Variants in B3GLCT observed in about 807,000 individuals in gnomAD.
The protein encoded by B3GLCT is beta 3-glucosyltransferase.
Under a neutral mutation model 63.4 loss-of-function variants are expected in B3GLCT, and 65 were observed. The observed-to-expected ratio is 1.03, with a 90% confidence interval of 0.84 to 1.26. The LOEUF (loss-of-function observed/expected upper bound fraction) is 1.26. B3GLCT is among the 50% of genes most tolerant of loss of function. The probability of loss-of-function intolerance (pLI) is 0.00; values close to 1 mark genes in which losing one functional copy is unlikely to be tolerated. For missense variants in B3GLCT, 577 were observed against 604.8 expected (o/e 0.95, Z 0.48); for synonymous variants, 233 against 219.2 (o/e 1.06, Z -0.55).
intron 1 of B3GLCT, among the ~76,000 whole-genome samples, chr13:31,214,301 T>A (rs1869443432): frequency 6.6e-6 from 1 of 152,248 alleles, no homozygotes; most frequent in African/African-American, 2.4e-5. Context: ...AAGGGTACTA[T>A]TTTTTGTTCT....
intron 1 of B3GLCT, among the ~76,000 whole-genome samples, chr13:31,205,060 A>C (rs1868875384): frequency 6.6e-6 from 1 of 152,058 alleles, no homozygotes; most frequent in Non-Finnish European, 1.5e-5. Flanking sequence ...TTGACTTTTA[A>C]TTTTAGGGGG....
chr13:31,224,444 C>T (rs915645275), intron 3 of B3GLCT, among the ~76,000 whole-genome samples: 2 of 152,062 alleles, frequency 1.3e-5, no homozygotes, highest in Admixed American at 6.5e-5. Context: ...TCGAGTGATA[C>T]CTAACTTGGT....
chr13:31,274,472 G>T, intron 8 of B3GLCT, 37 bp from the exon 9 acceptor site: 2 of 1,614,028 alleles, frequency 1.2e-6, no homozygotes, highest in Non-Finnish European at 1.7e-6. Flanking sequence ...TGTTGACTGA[G>T]TTCTTTCATC....
At chr13:31,216,127 A>T (rs991099253) in intron 2 of B3GLCT, among the ~76,000 whole-genome samples, 3 of 119,650 alleles carry the variant, frequency 2.5e-5, no homozygotes, top group Non-Finnish European at 5.8e-5. Flanking sequence ...GTGTAAAAGC[A>T]TTTTTTTAAT....
intron 9 of B3GLCT, among the ~76,000 whole-genome samples, chr13:31,275,410 T>C (rs1192140027): frequency 6.6e-6 from 1 of 152,198 alleles, no homozygotes; most frequent in African/African-American, 2.4e-5. Context: ...AGGGTTAGTG[T>C]GCCCAGACTC....
At chr13:31,275,408 T>C (rs1872736396) in intron 9 of B3GLCT, among the ~76,000 whole-genome samples, 1 of 152,208 alleles carries the variant, frequency 6.6e-6, no homozygotes, top group South Asian at 2.1e-4. Context: ...TTAGGGTTAG[T>C]GTGCCCAGAC....
intron 13 of B3GLCT, 79 bp downstream of exon 13, chr13:31,317,764 G>A: frequency 6.4e-7 from 1 of 1,574,494 alleles, no homozygotes; most frequent in Non-Finnish European, 8.7e-7. Flanking sequence ...CTCTGGCACT[G>A]GGATCTATAC....
intron 12 of B3GLCT, among the ~76,000 whole-genome samples, chr13:31,294,527 A>G (rs766153231): frequency 9.9e-5 from 15 of 151,870 alleles, no homozygotes; most frequent in Non-Finnish European, 2.1e-4. Context: ...TTTTTCTCTA[A>G]TCTTGTCTTC....
chr13:31,242,074 C>T (rs562782260), intron 4 of B3GLCT, among the ~76,000 whole-genome samples: 5 of 152,210 alleles, frequency 3.3e-5, no homozygotes, highest in Admixed American at 6.5e-5. Flanking sequence ...TTATTCTTGC[C>T]GTTTTGCAGA....
intron 2 of B3GLCT, among the ~76,000 whole-genome samples, chr13:31,218,930 C>CTTTT (rs34965262): frequency 6.9e-6 from 1 of 144,274 alleles, no homozygotes; most frequent in Non-Finnish European, 1.5e-5. Flanking sequence ...ATCAGAAGCC[C>CTTTT]TTTTTTTTTT....
chr13:31,322,801 A>G (rs1440259537), intron 13 of B3GLCT, among the ~76,000 whole-genome samples: 1 of 152,238 alleles, frequency 6.6e-6, no homozygotes, highest in African/African-American at 2.4e-5. Flanking sequence ...CATTTTTACT[A>G]TTTACTGTCA....
At chr13:31,301,804 T>C (rs1050895046) in intron 12 of B3GLCT, among the ~76,000 whole-genome samples, 15 of 152,238 alleles carry the variant, frequency 9.9e-5, no homozygotes, top group African/African-American at 3.6e-4. Flanking sequence ...GGCCCTTAAA[T>C]GTTGAGAGAT....
intron 10 of B3GLCT, among the ~76,000 whole-genome samples, chr13:31,279,842 C>T (rs1205716137): frequency 2.6e-5 from 4 of 152,150 alleles, no homozygotes; most frequent in South Asian, 2.1e-4. Flanking sequence ...ATTTCCAAAG[C>T]GGCCATTTCA....
intron 10 of B3GLCT, among the ~76,000 whole-genome samples, chr13:31,278,011 T>C (rs1235926499): frequency 6.6e-6 from 1 of 152,196 alleles, no homozygotes; most frequent in African/African-American, 2.4e-5. Context: ...GGGATTATTT[T>C]GACAAATACC....
At chr13:31,208,626 C>CG (rs1555243819) in intron 1 of B3GLCT, among the ~76,000 whole-genome samples, 9 of 101,030 alleles carry the variant, frequency 8.9e-5, no homozygotes, top group East Asian at 1.0e-3. Flanking sequence ...GTGGCCCCCC[C>CG]CCCCCGCTCA....
Position 31,323,782 on chromosome 13 carries a change from C to T in B3GLCT, c.1216C>T (p.Leu406Phe). The T allele has an allele frequency of 6.2e-7, 1 of 1,614,196 alleles. No homozygotes were observed. The highest frequency in any genetic ancestry group is 8.5e-7 in the Non-Finnish European group (1 of 1,180,020). Residue 406 changes from leucine to phenylalanine, a missense_variant, in exon 14 of 15, where the codon CTT becomes TTT. Coordinates refer to ENST00000343307, the MANE Select transcript of B3GLCT (RefSeq NM_194318.4). ...MVFSREAVRR[L>F]LASKCRCYSN... ...CTTCAGCAGAGAAGCCGTCAGGAGA[C>T]TTCTCGCCAGTAAATGTCGATGCTA...
At chr13:31,204,019 C>G (rs1359634356) in intron 1 of B3GLCT, among the ~76,000 whole-genome samples, 1 of 152,220 alleles carries the variant, frequency 6.6e-6, no homozygotes, top group South Asian at 2.1e-4. Context: ...AGGAACAAGA[C>G]AGATCTAGTC....
chr13:31,206,572 C>T (rs1304389357), intron 1 of B3GLCT, among the ~76,000 whole-genome samples: 1 of 128,388 alleles, frequency 7.8e-6, no homozygotes, highest in African/African-American at 3.1e-5. Flanking sequence ...AACCCTGTCT[C>T]TACTAAAAAT....
At chr13:31,201,960 C>T (rs957539183) in intron 1 of B3GLCT, among the ~76,000 whole-genome samples, 20 of 152,100 alleles carry the variant, frequency 1.3e-4, no homozygotes, top group African/African-American at 4.8e-4. Flanking sequence ...TTGGCACAGA[C>T]GGGAGGCTGT....
Sources: allele counts gnomAD v4.1 joint callset (sites outside exome capture counted in the v4.1 genomes callset), GRCh38; gene constraint gnomAD v4.1.1; transcripts MANE v1.5; gene names NCBI Gene and HGNC (gene_info 2026-07-23, HGNC 2026-07-21).